SPATA6: variants seen among roughly 807,000 people sequenced by gnomAD.
SPATA6 encodes the protein spermatogenesis associated 6.
A neutral mutation model predicts 65.3 loss-of-function variants in SPATA6; 56 were observed. The observed-to-expected ratio is 0.86, with a 90% CI of 0.69 to 1.07. The LOEUF is 1.07. Ranked by LOEUF, SPATA6 falls within the 50% of genes least tolerant of loss-of-function variation. The pLI is 0.00. For synonymous variants in SPATA6, 199 were observed against 213.2 expected, an observed-to-expected ratio of 0.93 and a Z score of 0.58; for missense variants, 590 against 594.8, an observed-to-expected ratio of 0.99 and a Z score of 0.08.
intron 11 of SPATA6, 176 bp downstream of exon 11, chr1:48,355,494 G>A (rs1204598556): frequency 2.0e-6 from 1 of 505,816 alleles, no homozygotes; most frequent in Non-Finnish European, 3.6e-6. Context: ...TAATGACTTA[G>A]GTCAAGCAGG....
At chr1:48,374,303 T>C (rs552918828) in intron 9 of SPATA6, among the ~76,000 whole-genome samples, 1 of 149,678 alleles carries the variant, frequency 6.7e-6, no homozygotes, top group South Asian at 2.1e-4. Flanking sequence ...AACAAAAATG[T>C]AATTTTATAA....
intron 1 of SPATA6, among the ~76,000 whole-genome samples, chr1:48,459,415 TA>T (rs1244425448): frequency 6.6e-6 from 1 of 152,064 alleles, no homozygotes; most frequent in African/African-American, 2.4e-5. Flanking sequence ...TCATATTGAT[TA>T]AAAGTTTGAT....
intron 9 of SPATA6, among the ~76,000 whole-genome samples, chr1:48,369,741 T>G (rs991362656): frequency 6.6e-6 from 1 of 152,232 alleles, no homozygotes; most frequent in Admixed American, 6.5e-5. Context: ...AGTGAGGCAA[T>G]GCCTCGTCCT....
chr1:48,405,372 C>T (rs1027940769), intron 5 of SPATA6, among the ~76,000 whole-genome samples: 6 of 152,178 alleles, frequency 3.9e-5, no homozygotes, highest in Non-Finnish European at 8.8e-5. Context: ...TATTATCTCA[C>T]GTAATTTCTA....
At chr1:48,411,680 CT>C in intron 4 of SPATA6, 92 bp from the exon 5 acceptor site, 1 of 1,110,512 alleles carries the variant, frequency 9.0e-7, no homozygotes, top group African/African-American at 1.6e-5. Context: ...TGCCTGATGC[CT>C]TATTGAAATA....
At position 48,471,973 on chromosome 1, in the gene SPATA6, C is replaced by T. The variant is rs760429304; in HGVS notation, c.36G>A (p.Ala12=). The T allele has an allele frequency of 5.0e-6, 8 of 1,601,484 alleles. No individual in the cohort carries two copies. Among genetic ancestry groups the T allele is most frequent in the Middle Eastern group, 1.7e-4 (1 of 5,942 alleles). ...PKVKALQCAL[A]LEISSVTCPG... Reference sequence around the variant, plus strand: ...CGGTACTCACTGAGCTGATCTCCAGCGCCAGGGCGCACTGCAGCGCCTTCA... The same window carrying T: ...CGGTACTCACTGAGCTGATCTCCAGTGCCAGGGCGCACTGCAGCGCCTTCA... The change falls in exon 1 of 13, where the codon GCG becomes GCA. Residue 12 remains alanine (A), a synonymous_variant. Coordinates refer to ENST00000371847, the MANE Select transcript of SPATA6 (RefSeq NM_019073.4).
At chr1:48,388,080 C>G (rs1050055136) in intron 8 of SPATA6, among the ~76,000 whole-genome samples, 2 of 152,114 alleles carry the variant, frequency 1.3e-5, no homozygotes, top group Admixed American at 6.6e-5. Flanking sequence ...ACTCTGGAGC[C>G]CAAGGACAGG....
intron 9 of SPATA6, among the ~76,000 whole-genome samples, chr1:48,361,888 G>C (rs1407217580): frequency 6.6e-6 from 1 of 152,096 alleles, no homozygotes; most frequent in Non-Finnish European, 1.5e-5. Flanking sequence ...GGTCAGCTGA[G>C]AGAATCATGC....
At position 48,298,599 on chromosome 1, in the gene SPATA6, TG is replaced by T. The variant is rs1229989551; in HGVS notation, c.*113del. 7 of 930,962 alleles carry T rather than the reference TG, an allele frequency of 7.5e-6. No homozygotes were observed. Among genetic ancestry groups the T allele is most frequent in the Middle Eastern group, 2.6e-4 (1 of 3,788 alleles). The allele number at this position is 930,962 out of a possible 1,614,324, so 57.7% of individuals were successfully genotyped here. Reference sequence around the variant, plus strand: ...AATGAACTTATTCAAGTATAACTATTGTACTTAGTTATAATCCCATTTTTTT... The same window carrying T: ...AATGAACTTATTCAAGTATAACTATTTACTTAGTTATAATCCCATTTTTTT... On this transcript the variant is annotated 3_prime_UTR_variant, in exon 13 of 13. Transcript: ENST00000371847.
chr1:48,436,998 C>G (rs911280339), intron 3 of SPATA6: 2 of 1,609,456 alleles, frequency 1.2e-6, no homozygotes, highest in African/African-American at 2.7e-5. Context: ...CCTTCTTTAG[C>G]TTGGTACAGC....
At chr1:48,371,475 T>G (rs553293494) in intron 9 of SPATA6, among the ~76,000 whole-genome samples, 92 of 152,162 alleles carry the variant, frequency 6.0e-4, no homozygotes, top group Non-Finnish European at 6.8e-4. Flanking sequence ...ACACACTACA[T>G]TAGTCTACAC....
intron 7 of SPATA6, among the ~76,000 whole-genome samples, chr1:48,396,167 C>T (rs1449209307): frequency 2.6e-5 from 4 of 151,770 alleles, no homozygotes; most frequent in Non-Finnish European, 5.9e-5. Flanking sequence ...TACTACTTCA[C>T]TGTAATTTTG....
intron 3 of SPATA6, chr1:48,437,113 C>T (rs923232704): frequency 1.1e-5 from 18 of 1,597,658 alleles, no homozygotes; most frequent in African/African-American, 6.7e-5. Context: ...AATACTTTCA[C>T]GGTTGCCTCC....
At chr1:48,381,060 C>T (rs1648514558) in intron 9 of SPATA6, among the ~76,000 whole-genome samples, 1 of 152,166 alleles carries the variant, frequency 6.6e-6, no homozygotes, top group South Asian at 2.1e-4. Flanking sequence ...ATGCACAGCA[C>T]AGTAGGGTTC....
At chr1:48,279,098 G>A in the SPATA6 span, among the ~76,000 whole-genome samples, 4 of 152,100 alleles carry the variant, frequency 2.6e-5, no homozygotes, top group African/African-American at 9.7e-5. Flanking sequence ...ATAAGTGAAG[G>A]AGAAATAAAA....
chr1:48,395,308 C>G lies in SPATA6; in HGVS notation c.827G>C (p.Gly276Ala). 6.4e-7 allele frequency: 1 copy of G among 1,569,822 alleles called. No individual in the cohort carries two copies. Among genetic ancestry groups the G allele is most frequent in the Non-Finnish European group, 8.7e-7 (1 of 1,155,526 alleles). ...PRADTLLGSS[G>A]RDCERDGWSR... Reference sequence around the variant, plus strand: ...CCATCCATCTCTTTCACAGTCTCTTCCAGAAGATCCCAATAAAGTATCAGC... The same window carrying G: ...CCATCCATCTCTTTCACAGTCTCTTGCAGAAGATCCCAATAAAGTATCAGC... Residue 276 changes from glycine to alanine, a missense_variant, in exon 8 of 13, where the codon GGA becomes GCA. Transcript: ENST00000371847.
At chr1:48,286,155 G>A in the SPATA6 span, among the ~76,000 whole-genome samples, 2 of 151,650 alleles carry the variant, frequency 1.3e-5, no homozygotes, top group Non-Finnish European at 2.9e-5. Flanking sequence ...GCTATTTGGG[G>A]ACATTTTTAG....
intron 11 of SPATA6, among the ~76,000 whole-genome samples, chr1:48,311,580 A>C (rs1645210011): frequency 6.6e-6 from 1 of 152,140 alleles, no homozygotes. Flanking sequence ...TTAAATTAAA[A>C]AAACTTAGGG....
intron 11 of SPATA6, chr1:48,325,584 T>A (rs1645734130): frequency 1.1e-6 from 1 of 924,658 alleles, no homozygotes; most frequent in African/African-American, 1.6e-5. Flanking sequence ...TCCTCAATGG[T>A]AAAGGTGGAA....
Sources: gnomAD v4.1 joint callset for allele counts (sites outside exome capture counted in the v4.1 genomes callset) on GRCh38, gnomAD v4.1.1 for gene constraint, MANE v1.5 for transcripts, NCBI Gene and HGNC (gene_info 2026-07-23, HGNC 2026-07-21) for gene names.